CILK1: variants seen among roughly 807,000 people sequenced by gnomAD.
CILK1 encodes the protein serine/threonine-protein kinase ICK.
A neutral mutation model predicts 79.2 loss-of-function variants in CILK1; 47 were observed. The ratio of observed to expected loss-of-function variants is 0.59; its 90% CI spans 0.47 to 0.76. CILK1 has a LOEUF of 0.76. CILK1 is among the 30% of genes least tolerant of loss of function. CILK1 has a pLI of 0.00. For missense variants in CILK1, 660 were observed against 769.5 expected, an observed-to-expected ratio of 0.86 and a Z score of 1.68; for synonymous variants, 266 against 275.9, an observed-to-expected ratio of 0.96 and a Z score of 0.36.
intron 11 of CILK1, 89 bp from the exon 12 acceptor site, chr6:53,009,656 T>G: frequency 8.8e-7 from 1 of 1,130,912 alleles, no homozygotes. Context: ...GAACTCAATT[T>G]GTCAAAAACT....
At position 53,041,368 on chromosome 6, in the gene CILK1, A is replaced by T. The variant is rs887038471; in HGVS notation, c.-132T>A. 11 of 703,658 alleles carry T rather than the reference A, an allele frequency of 1.6e-5. No individual in the cohort carries two copies. Among genetic ancestry groups the T allele is most frequent in the Middle Eastern group, 3.7e-4 (1 of 2,694 alleles). The allele number at this position is 703,658 out of a possible 1,614,324, so 43.6% of individuals were successfully genotyped here. On this transcript the variant is annotated 5_prime_UTR_variant, in exon 2 of 14. Transcript: ENST00000676107. ...AGCACAAGGTATTCAATAGGACGTG[A>T]CTGTCTCCCAAATACATATTTCCAA...
intron 5 of CILK1, among the ~76,000 whole-genome samples, chr6:53,030,609 T>A (rs1426067381): frequency 6.6e-6 from 1 of 152,254 alleles, no homozygotes; most frequent in East Asian, 1.9e-4. Flanking sequence ...AGTTTGCTAA[T>A]TTTTAATTTA....
chr6:53,024,158 C>T (rs1170324635), intron 5 of CILK1, among the ~76,000 whole-genome samples: 1 of 152,208 alleles, frequency 6.6e-6, no homozygotes, highest in Non-Finnish European at 1.5e-5. Context: ...TATTCCACTG[C>T]TCATTCTTTA....
Position 53,031,149 on chromosome 6 carries a change from A to G in CILK1, c.279-5T>C, listed in dbSNP as rs909739597. On this transcript the variant is annotated splice_region_variant and splice_polypyrimidine_tract_variant and intron_variant, in intron 4 of 13. Transcript: ENST00000676107. ...GACTCAGGAAACAACTTATTTCTGT[A>G]TGAGGCAGAGGAAAACAAAGTTATA... The G allele has an allele frequency of 2.5e-6, 4 of 1,582,636 alleles. No individual in the cohort carries two copies. In the African/African-American group the frequency reaches 5.4e-5, roughly 21 times the overall value.
intron 1 of CILK1, among the ~76,000 whole-genome samples, chr6:53,054,238 T>C (rs1433929756): frequency 6.6e-6 from 1 of 152,094 alleles, no homozygotes; most frequent in East Asian, 1.9e-4. Flanking sequence ...AGAATGGTCC[T>C]CTCCCTTGAT....
chr6:53,032,757 T>C (rs1430233514), intron 3 of CILK1, 103 bp from the exon 4 acceptor site: 1 of 890,634 alleles, frequency 1.1e-6, no homozygotes, highest in Admixed American at 2.5e-5. Context: ...AACAACTAAT[T>C]TTAGAACCTC....
At chr6:53,048,648 T>C (rs1767269682) in intron 1 of CILK1, among the ~76,000 whole-genome samples, 1 of 128,790 alleles carries the variant, frequency 7.8e-6, no homozygotes, top group African/African-American at 3.1e-5. Flanking sequence ...AATAGGGCGA[T>C]GGACAATGCA....
chr6:53,013,940 T>G lies in CILK1; in HGVS notation c.874A>C (p.Ser292Arg), dbSNP rs1429041438. Reference protein sequence around the residue: ...PYFQVGHPLGSTTQNLQDSEK... With the variant: ...PYFQVGHPLGRTTQNLQDSEK... ...GAATCCTGAAGGTTTTGTGTGGTGC[T>G]GCCTAGTGGGTGTCCAACTTGGAAG... Residue 292 changes from serine to arginine, a missense_variant, in exon 9 of 14, where the codon AGC becomes CGC. Ser to Arg is a moderately radical substitution (Grantham distance 110). Transcript: ENST00000676107. 3 of 1,613,980 alleles carry G rather than the reference T, an allele frequency of 1.9e-6. No homozygotes were observed. Among genetic ancestry groups the G allele is most frequent in the Non-Finnish European group, 2.5e-6 (3 of 1,180,020 alleles).
At chr6:53,056,377 T>C (rs917006223) in intron 1 of CILK1, among the ~76,000 whole-genome samples, 2 of 152,198 alleles carry the variant, frequency 1.3e-5, no homozygotes, top group Non-Finnish European at 2.9e-5. Flanking sequence ...TTGCAGGCTC[T>C]CCATCTCCGT....
chr6:53,026,210 G>T (rs1765564172), intron 5 of CILK1, among the ~76,000 whole-genome samples: 1 of 152,130 alleles, frequency 6.6e-6, no homozygotes, highest in South Asian at 2.1e-4. Context: ...TGTCACCCAG[G>T]CTGGAGTACA....
chr6:53,031,222 G>C lies in CILK1; in HGVS notation c.279-78C>G, dbSNP rs1765942298. 3 of 898,262 alleles carry C rather than the reference G, an allele frequency of 3.3e-6. No individual in the cohort carries two copies. In the Admixed American group the frequency reaches 5.1e-5, roughly 15 times the overall value. The allele number at this position is 898,262 out of a possible 1,614,324, so 55.6% of individuals were successfully genotyped here. A position where few individuals can be genotyped will look rare whatever the true frequency, so the allele number is the denominator to read the frequency against. Reference sequence around the variant, plus strand: ...TAATAAATACTAAAGAATACCATTTGTCCATACAGGGGAGCTACCTTATAA... The same window carrying C: ...TAATAAATACTAAAGAATACCATTTCTCCATACAGGGGAGCTACCTTATAA... On this transcript the variant is annotated intron_variant, in intron 4 of 13. Coordinates refer to ENST00000676107, the MANE Select transcript of CILK1 (RefSeq NM_014920.5).
intron 7 of CILK1, among the ~76,000 whole-genome samples, chr6:53,017,919 G>A (rs1459334056): frequency 6.6e-6 from 1 of 152,228 alleles, no homozygotes; most frequent in Non-Finnish European, 1.5e-5. Flanking sequence ...TAAACAAAAG[G>A]CAATGATGAG....
rs1764732094 is a variant in CILK1 at position 53,013,810 on chromosome 6, G to T, written c.1004C>A (p.Ser335Ter). 6.2e-7 allele frequency: 1 copy of T among 1,613,812 alleles called. No homozygotes were observed. Among genetic ancestry groups the T allele is most frequent in the African/African-American group, 1.3e-5 (1 of 74,890 alleles). The change falls in exon 9 of 14, where the codon TCA becomes TAA. Residue 335 changes from serine to a stop codon, truncating the protein, a stop_gained. Coordinates refer to ENST00000676107, the MANE Select transcript of CILK1 (RefSeq NM_014920.5). LOFTEE classifies it high-confidence loss of function. Reference protein sequence around the residue: ...PPAKPHTRISSRQHQASQPPL... With the variant: ...PPAKPHTRIS Reference sequence around the variant, plus strand: ...GGGCTGGCTGGCTTGATGCTGTCGTGAAGAAATTCGTGTGTGTGGCTTGGC... The same window carrying T: ...GGGCTGGCTGGCTTGATGCTGTCGTTAAGAAATTCGTGTGTGTGGCTTGGC...
At chr6:53,006,179 T>C (rs1443895670) in intron 13 of CILK1, 136 bp downstream of exon 13, 2 of 763,192 alleles carry the variant, frequency 2.6e-6, no homozygotes, top group East Asian at 2.7e-5. Context: ...ATAGCACTTA[T>C]TTAGCTTACT....
chr6:53,008,035 A>G (rs1003389168), intron 12 of CILK1, among the ~76,000 whole-genome samples: 1 of 151,760 alleles, frequency 6.6e-6, no homozygotes, highest in African/African-American at 2.4e-5. Context: ...ATCCTCACAC[A>G]TGTGCATAAC....
At chr6:53,036,721 A>G (rs185150319) in intron 3 of CILK1, among the ~76,000 whole-genome samples, 9 of 152,194 alleles carry the variant, frequency 5.9e-5, no homozygotes, top group African/African-American at 2.2e-4. Flanking sequence ...CAGCCCAAAA[A>G]AGATAAAAAA....
At position 53,037,980 on chromosome 6, in the gene CILK1, AT is replaced by A. The variant is rs746357632; in HGVS notation, c.114del (p.Lys38AsnfsTer9). On this transcript the variant is annotated frameshift_variant, in exon 3 of 14. Coordinates refer to ENST00000676107, the MANE Select transcript of CILK1 (RefSeq NM_014920.5). LOFTEE classifies it high-confidence loss of function. Reference sequence around the variant, plus strand: ...TTCATGCATTCCTCCCAGGAATAAAATTTTCTTTTCATTCTAGAAGAGAAGA... The same window carrying A: ...TTCATGCATTCCTCCCAGGAATAAAATTTCTTTTCATTCTAGAAGAGAAGA... ...ELIAIKKMKR[K>X]FYSWEECMNL... 6.3e-7 allele frequency: 1 copy of A among 1,595,364 alleles called. No homozygotes were observed. Among genetic ancestry groups the A allele is most frequent in the Non-Finnish European group, 8.6e-7 (1 of 1,163,042 alleles).
At chr6:53,024,404 A>C (rs1019359165) in intron 5 of CILK1, among the ~76,000 whole-genome samples, 43 of 152,226 alleles carry the variant, frequency 2.8e-4, no homozygotes, top group African/African-American at 1.0e-3. Flanking sequence ...TTAAAGATTT[A>C]TTCATGCCCA....
chr6:53,061,101 A>G (rs1242699515), intron 1 of CILK1: 1 of 152,248 alleles, frequency 6.6e-6, no homozygotes, highest in Non-Finnish European at 1.5e-5. Flanking sequence ...TTAGTGTCAA[A>G]GTCAAACTTT....
Sources: gnomAD v4.1 joint callset for allele counts (sites outside exome capture counted in the v4.1 genomes callset) on GRCh38, gnomAD v4.1.1 for gene constraint, MANE v1.5 for transcripts, NCBI Gene and HGNC (gene_info 2026-07-23, HGNC 2026-07-21) for gene names.